The following RCN3 variants were observed in gnomAD, a reference collection of about 807,000 sequenced individuals.
The protein encoded by RCN3 is reticulocalbin 3, also known as reticulocalbin-3.
In RCN3, 41 loss-of-function variants were observed where a neutral mutation model predicts 35.9. The observed-to-expected ratio is 1.14, with a 90% CI of 0.89 to 1.48. RCN3 has a LOEUF of 1.48. Ranked by LOEUF, RCN3 falls within the 40% of genes most tolerant of loss-of-function variation. The pLI is 0.00. For synonymous variants in RCN3, 187 were observed against 193.4 expected, an observed-to-expected ratio of 0.97 and a Z score of 0.27; for missense variants, 451 against 471.3, an observed-to-expected ratio of 0.96 and a Z score of 0.40.
At chr19:49,533,111 A>G (rs1334410870) in intron 2 of RCN3, among the ~76,000 whole-genome samples, 1 of 152,188 alleles carries the variant, frequency 6.6e-6, no homozygotes, top group African/African-American at 2.4e-5. Flanking sequence ...GCCCACAGTC[A>G]CACAGCCAGT....
intron 3 of RCN3, 152 bp from the exon 4 acceptor site, chr19:49,536,881 C>G: frequency 4.9e-6 from 3 of 615,074 alleles, no homozygotes; most frequent in Non-Finnish European, 5.0e-6. Flanking sequence ...GCTGCTATTA[C>G]AGGCGTGAGC....
At chr19:49,531,595 G>A (rs183088841) in intron 2 of RCN3, among the ~76,000 whole-genome samples, 7 of 152,156 alleles carry the variant, frequency 4.6e-5, no homozygotes, top group South Asian at 2.1e-4. Context: ...AAGCGACTGC[G>A]ATAGTCCAGG....
chr19:49,541,820 A>T (rs1383061765), intron 5 of RCN3, among the ~76,000 whole-genome samples: 1 of 151,524 alleles, frequency 6.6e-6, no homozygotes, highest in African/African-American at 2.4e-5. Flanking sequence ...CCTCTACTAA[A>T]AATATAAAAA....
chr19:49,528,110 G>C (rs1041538137), intron 1 of RCN3, 52 bp downstream of exon 1: 3 of 227,342 alleles, frequency 1.3e-5, no homozygotes, highest in African/African-American at 7.4e-5. Context: ...CTCGGGTCGA[G>C]GACCAGGGTC....
At chr19:49,536,597 G>A (rs191121697) in intron 3 of RCN3, among the ~76,000 whole-genome samples, 87 of 148,660 alleles carry the variant, frequency 5.9e-4, no homozygotes, top group African/African-American at 1.9e-3. Flanking sequence ...CACTGTGCCA[G>A]GCTTCTAAAA....
intron 2 of RCN3, among the ~76,000 whole-genome samples, chr19:49,529,105 T>C (rs1009414656): frequency 1.3e-5 from 2 of 152,016 alleles, no homozygotes; most frequent in Non-Finnish European, 2.9e-5. Context: ...CGCTTGAACC[T>C]GGGAGGTGGA....
intron 1 of RCN3, 55 bp from the exon 2 acceptor site, chr19:49,528,412 C>T (rs1405148951): frequency 1.4e-6 from 2 of 1,430,922 alleles, no homozygotes; most frequent in Non-Finnish European, 1.8e-6. Flanking sequence ...TTCTCCTATC[C>T]CGTGTCTGTC....
At chr19:49,533,386 T>C (rs1202113404) in intron 2 of RCN3, among the ~76,000 whole-genome samples, 2 of 151,972 alleles carry the variant, frequency 1.3e-5, no homozygotes, top group East Asian at 1.9e-4. Flanking sequence ...AGGTAGTCTC[T>C]GTTAATTAGA....
At chr19:49,532,245 A>T (rs1047260290) in intron 2 of RCN3, among the ~76,000 whole-genome samples, 2 of 145,972 alleles carry the variant, frequency 1.4e-5, no homozygotes, top group African/African-American at 2.6e-5. Context: ...AGCTGGGACT[A>T]CAGGCACCTG....
chr19:49,537,680 G>C (rs983000525), intron 4 of RCN3, among the ~76,000 whole-genome samples: 1 of 151,894 alleles, frequency 6.6e-6, no homozygotes, highest in Non-Finnish European at 1.5e-5. Flanking sequence ...CTAATTTTTA[G>C]TAGAGACAGG....
intron 2 of RCN3, among the ~76,000 whole-genome samples, chr19:49,529,608 G>T (rs56036628): frequency 1.3e-5 from 2 of 152,232 alleles, no homozygotes; most frequent in African/African-American, 4.8e-5. Context: ...AGTTTACACT[G>T]TGGTGAGGGA....
chr19:49,539,055 GGTCCAGC>G, intron 4 of RCN3, 57 bp from the exon 5 acceptor site: 1 of 1,244,784 alleles, frequency 8.0e-7, no homozygotes, highest in Non-Finnish European at 1.1e-6. Flanking sequence ...TTACCCCAGG[GGTCCAGC>G]CTCCCCCAGG....
At chr19:49,539,252 G>A (rs976914424) in intron 5 of RCN3, 73 bp downstream of exon 5, 36 of 1,221,184 alleles carry the variant, frequency 2.9e-5, no homozygotes, top group African/African-American at 2.6e-4. Context: ...GGGGGTAGCC[G>A]GAGGTACATC....
At chr19:49,538,125 G>A (rs1338965543) in intron 4 of RCN3, among the ~76,000 whole-genome samples, 1 of 149,898 alleles carries the variant, frequency 6.7e-6, no homozygotes, top group Non-Finnish European at 1.5e-5. Flanking sequence ...CTGAGAAGCT[G>A]AGGCCACCAG....
At chr19:49,535,786 G>C (rs2080130721) in intron 3 of RCN3, among the ~76,000 whole-genome samples, 4 of 150,476 alleles carry the variant, frequency 2.7e-5, no homozygotes, top group Admixed American at 1.3e-4. Flanking sequence ...GGAGGCAGAA[G>C]TTGCAGTGAG....
intron 4 of RCN3, 136 bp from the exon 5 acceptor site, chr19:49,538,983 C>T (rs1360033439): frequency 1.4e-5 from 8 of 579,170 alleles, no homozygotes; most frequent in Non-Finnish European, 2.4e-5. Flanking sequence ...CCTGTTGAGA[C>T]TGCTCTACTG....
intron 5 of RCN3, among the ~76,000 whole-genome samples, chr19:49,540,655 C>T (rs570348147): frequency 1.3e-5 from 2 of 151,464 alleles, no homozygotes; most frequent in African/African-American, 2.4e-5. Flanking sequence ...CTTGCCCTGT[C>T]GCCCAGGCTG....
At chr19:49,535,873 TATAG>T (rs1555811317) in intron 3 of RCN3, among the ~76,000 whole-genome samples, 3,283 of 144,712 alleles carry the variant, frequency 0.023, 62 homozygotes, top group Admixed American at 0.063. Context: ...TATATATATA[TATAG>T]ATAGATAGAT....
chr19:49,528,733 T>C lies in RCN3; in HGVS notation c.242+19T>C. The C allele has an allele frequency of 6.4e-7, 1 of 1,553,550 alleles. No homozygotes were observed. Among genetic ancestry groups the C allele is most frequent in the African/African-American group, 1.4e-5 (1 of 72,766 alleles). The stretch of plus-strand genomic sequence containing the variant: ...GTCTGGGGTAAGAGAGACATTCGGT[T>C]GGGGCGTGTCCAGAGGTGGGGCTTA... On this transcript the variant is annotated intron_variant, in intron 2 of 6. Coordinates refer to ENST00000270645, the MANE Select transcript of RCN3 (RefSeq NM_020650.3).
Sources: gnomAD v4.1 joint callset for allele counts (sites outside exome capture counted in the v4.1 genomes callset) on GRCh38, gnomAD v4.1.1 for gene constraint, MANE v1.5 for transcripts, NCBI Gene and HGNC (gene_info 2026-07-23, HGNC 2026-07-21) for gene names.